The following SLC39A11 variants were observed in gnomAD, a reference collection of about 807,000 sequenced individuals.
SLC39A11 encodes solute carrier family 39 member 11.
A neutral mutation model predicts 36.1 loss-of-function variants in SLC39A11; 33 were observed. The ratio of observed to expected loss-of-function variants is 0.91; its 90% confidence interval spans 0.69 to 1.22. The LOEUF is 1.22. Ranked by LOEUF, SLC39A11 falls within the 50% of genes most tolerant of loss-of-function variation. SLC39A11 has a pLI of 0.00. For synonymous variants in SLC39A11, 166 were observed against 170.3 expected, an observed-to-expected ratio of 0.97 and a Z score of 0.20; for missense variants, 432 against 430.3, an observed-to-expected ratio of 1.00 and a Z score of -0.03.
chr17:72,896,724 T>C (rs987072244), intron 5 of SLC39A11, among the ~76,000 whole-genome samples: 2 of 149,550 alleles, frequency 1.3e-5, no homozygotes, highest in Admixed American at 6.7e-5. Flanking sequence ...TACCAGGGAG[T>C]GAGGGAAAGG....
chr17:72,660,224 T>C (rs1238528995), intron 7 of SLC39A11, among the ~76,000 whole-genome samples: 1 of 152,198 alleles, frequency 6.6e-6, no homozygotes, highest in Non-Finnish European at 1.5e-5. Context: ...TGCAACCGCC[T>C]GCGGTTGAAA....
intron 4 of SLC39A11, among the ~76,000 whole-genome samples, chr17:72,966,718 C>T (rs556825964): frequency 5.3e-5 from 8 of 152,206 alleles, no homozygotes; most frequent in South Asian, 4.2e-4. Context: ...TACAGGCGCC[C>T]GCCACCACGC....
chr17:72,925,619 C>A (rs376348961), intron 5 of SLC39A11, among the ~76,000 whole-genome samples: 65 of 152,202 alleles, frequency 4.3e-4, no homozygotes, highest in Non-Finnish European at 8.7e-4. Context: ...ATGTCCCCAC[C>A]TGGAATTGCA....
chr17:72,770,104 C>T (rs1380210594), intron 6 of SLC39A11, among the ~76,000 whole-genome samples: 6 of 152,210 alleles, frequency 3.9e-5, no homozygotes, highest in East Asian at 1.9e-4. Context: ...GGCTGTGTCA[C>T]GGGCTCGTCC....
intron 3 of SLC39A11, among the ~76,000 whole-genome samples, chr17:73,063,894 CGT>C: frequency 6.6e-6 from 1 of 152,236 alleles, no homozygotes; most frequent in African/African-American, 2.4e-5. Flanking sequence ...AGGCAATGAC[CGT>C]GTGTCCCTTC....
chr17:72,707,629 T>C (rs2072946234), intron 7 of SLC39A11, among the ~76,000 whole-genome samples: 1 of 152,148 alleles, frequency 6.6e-6, no homozygotes, highest in Admixed American at 6.5e-5. Context: ...CACATCATCA[T>C]CTCCACATTT....
intron 7 of SLC39A11, among the ~76,000 whole-genome samples, chr17:72,729,188 T>G (rs765656750): frequency 6.6e-6 from 1 of 151,714 alleles, no homozygotes; most frequent in Non-Finnish European, 1.5e-5. Flanking sequence ...GCCAACTTTT[T>G]GCTGAGTAAT....
chr17:72,735,263 C>A (rs940555513), intron 7 of SLC39A11, among the ~76,000 whole-genome samples: 12 of 152,162 alleles, frequency 7.9e-5, no homozygotes, highest in African/African-American at 2.4e-4. Flanking sequence ...CAGCGACCAG[C>A]AATGACTACA....
chr17:73,030,977 A>ATTT (rs1267156825), intron 4 of SLC39A11, among the ~76,000 whole-genome samples: 1 of 152,154 alleles, frequency 6.6e-6, no homozygotes, highest in East Asian at 1.9e-4. Flanking sequence ...ATTCCAGTGC[A>ATTT]TTTTTACATT....
At chr17:72,944,226 C>T (rs551030764) in intron 5 of SLC39A11, among the ~76,000 whole-genome samples, 64 of 152,300 alleles carry the variant, frequency 4.2e-4, no homozygotes, top group Non-Finnish European at 7.1e-4. Flanking sequence ...GCCAGTGCCA[C>T]GGTATTGGCC....
chr17:72,682,917 A>G (rs1049336944), intron 7 of SLC39A11, among the ~76,000 whole-genome samples: 1 of 152,230 alleles, frequency 6.6e-6, no homozygotes. Context: ...CATTATCTTG[A>G]GGCACCCATT....
intron 4 of SLC39A11, among the ~76,000 whole-genome samples, chr17:72,962,829 GC>G (rs2086701744): frequency 6.6e-6 from 1 of 152,194 alleles, no homozygotes; most frequent in Non-Finnish European, 1.5e-5. Flanking sequence ...GAGCCATCGG[GC>G]CCGGCCAGCC....
At chr17:73,014,381 G>A (rs933119793) in intron 4 of SLC39A11, among the ~76,000 whole-genome samples, 9 of 152,136 alleles carry the variant, frequency 5.9e-5, no homozygotes, top group African/African-American at 1.9e-4. Flanking sequence ...ACTAGATACG[G>A]GCACAGTGCC....
At chr17:72,910,220 G>A (rs2082907848) in intron 5 of SLC39A11, among the ~76,000 whole-genome samples, 1 of 152,226 alleles carries the variant, frequency 6.6e-6, no homozygotes, top group African/African-American at 2.4e-5. Flanking sequence ...TCCCTATCTG[G>A]GTGGTGGGGT....
chr17:72,956,277 C>A (rs750162920), intron 4 of SLC39A11, among the ~76,000 whole-genome samples: 1 of 152,186 alleles, frequency 6.6e-6, no homozygotes, highest in Non-Finnish European at 1.5e-5. Flanking sequence ...TTTTCCTAGT[C>A]CTGATGCCAA....
chr17:72,721,825 C>G (rs2073691812), intron 7 of SLC39A11, among the ~76,000 whole-genome samples: 1 of 152,030 alleles, frequency 6.6e-6, no homozygotes, highest in South Asian at 2.1e-4. Context: ...CAAAAATTAG[C>G]TGGATGTGGT....
At chr17:72,713,777 A>C (rs1186120482) in intron 7 of SLC39A11, among the ~76,000 whole-genome samples, 2 of 152,138 alleles carry the variant, frequency 1.3e-5, no homozygotes, top group East Asian at 3.9e-4. Context: ...CCCTCATCTG[A>C]GGGTGATAAT....
intron 5 of SLC39A11, among the ~76,000 whole-genome samples, chr17:72,861,686 TATAA>T (rs1304206334): frequency 3.6e-5 from 4 of 112,618 alleles, no homozygotes; most frequent in Admixed American, 1.8e-4. Context: ...TATATATATA[TATAA>T]AATATATATA....
chr17:72,674,648 T>C (rs1378073204), intron 7 of SLC39A11, among the ~76,000 whole-genome samples: 1 of 152,232 alleles, frequency 6.6e-6, no homozygotes, highest in Admixed American at 6.5e-5. Context: ...TGTACCAATT[T>C]GCATGCCCAC....
Sources: allele counts gnomAD v4.1 joint callset (sites outside exome capture counted in the v4.1 genomes callset), GRCh38; gene constraint gnomAD v4.1.1; transcripts MANE v1.5; gene names NCBI Gene and HGNC (gene_info 2026-07-23, HGNC 2026-07-21).